TENM3: variants seen among roughly 807,000 people sequenced by gnomAD.
TENM3 encodes the protein teneurin transmembrane protein 3.
Under a neutral mutation model 255.1 loss-of-function variants are expected in TENM3, and 63 were observed. That is an observed-to-expected ratio of 0.25 (90% CI 0.20 to 0.30). TENM3 has a LOEUF of 0.30. Ranked by LOEUF, TENM3 falls within the 10% of genes least tolerant of loss-of-function variation. The pLI is 1.00. For missense variants in TENM3, 2,929 were observed against 3,461.1 expected (o/e 0.85, Z 3.86); for synonymous variants, 1,306 against 1,322.3 (o/e 0.99, Z 0.27).
chr4:181,839,376 TATATATATAC>T, the TENM3 span, among the ~76,000 whole-genome samples: 469 of 50,182 alleles, frequency 9.3e-3, 6 homozygotes, highest in African/African-American at 0.027. Context: ...TATATATATA[TATATATATAC>T]ACCTATATAC....
At chr4:182,069,689 AC>A in the TENM3 span, among the ~76,000 whole-genome samples, 1 of 10,130 alleles carries the variant, frequency 9.9e-5, no homozygotes, top group Non-Finnish European at 5.0e-4. Flanking sequence ...ATGCATAAAC[AC>A]ACACACACAC....
chr4:182,538,224 A>T (rs1740526433), intron 3 of TENM3, among the ~76,000 whole-genome samples: 1 of 152,216 alleles, frequency 6.6e-6, no homozygotes, highest in Admixed American at 6.5e-5. Flanking sequence ...ACAATTATTT[A>T]TGGAGTTCCC....
intron 24 of TENM3, 128 bp downstream of exon 24, chr4:182,775,281 G>A: frequency 1.2e-6 from 1 of 831,096 alleles, no homozygotes; most frequent in Non-Finnish European, 1.9e-6. Flanking sequence ...CGCTCAGTGT[G>A]GTTCCAATCC....
At chr4:182,619,665 C>T (rs973071784) in intron 4 of TENM3, among the ~76,000 whole-genome samples, 1 of 152,148 alleles carries the variant, frequency 6.6e-6, no homozygotes, top group African/African-American at 2.4e-5. Flanking sequence ...AAATAGAATC[C>T]CCCTCAAGAT....
intron 1 of TENM3, among the ~76,000 whole-genome samples, chr4:182,283,556 G>A (rs1049347815): frequency 2.6e-5 from 4 of 152,184 alleles, no homozygotes; most frequent in Non-Finnish European, 2.9e-5. Flanking sequence ...AATGTATCTG[G>A]TTGGCTCCCA....
chr4:182,648,999 G>A (rs1554007419), intron 5 of TENM3, among the ~76,000 whole-genome samples: 1 of 152,098 alleles, frequency 6.6e-6, no homozygotes, highest in Non-Finnish European at 1.5e-5. Context: ...GTTTGGGGTT[G>A]TTTCCAGTTT....
the TENM3 span, among the ~76,000 whole-genome samples, chr4:181,892,840 C>A: frequency 6.6e-6 from 1 of 152,112 alleles, no homozygotes; most frequent in Non-Finnish European, 1.5e-5. Context: ...TAGGTTGCTT[C>A]CAAATTGTTT....
At chr4:182,124,454 G>C in the TENM3 span, among the ~76,000 whole-genome samples, 13 of 152,288 alleles carry the variant, frequency 8.5e-5, no homozygotes, top group Admixed American at 2.0e-4. Context: ...GGAAATGTAA[G>C]TATAGGAGAT....
chr4:182,767,864 G>A (rs1763855573), intron 22 of TENM3, among the ~76,000 whole-genome samples: 1 of 152,172 alleles, frequency 6.6e-6, no homozygotes, highest in Admixed American at 6.5e-5. Flanking sequence ...GAGGCCTTCA[G>A]AATGAACCCA....
At chr4:182,362,157 G>GGGGGTCA (rs1170381526) in intron 3 of TENM3, among the ~76,000 whole-genome samples, 2 of 152,166 alleles carry the variant, frequency 1.3e-5, no homozygotes, top group Admixed American at 6.5e-5. Context: ...TAGGCTGCTC[G>GGGGGTCA]GGGGTCAGGG....
chr4:182,172,131 G>A (rs777906162), intron 1 of TENM3, among the ~76,000 whole-genome samples: 1 of 151,990 alleles, frequency 6.6e-6, no homozygotes, highest in African/African-American at 2.4e-5. Flanking sequence ...TGAAATGTCT[G>A]TCGTGTTGTA....
chr4:182,774,087 T>C (rs1201422169), intron 23 of TENM3, among the ~76,000 whole-genome samples: 3 of 152,232 alleles, frequency 2.0e-5, no homozygotes, highest in African/African-American at 7.2e-5. Context: ...ATTCATGTAA[T>C]GCCTGGAGTG....
At chr4:181,691,137 A>G in the TENM3 span, among the ~76,000 whole-genome samples, 4 of 152,202 alleles carry the variant, frequency 2.6e-5, no homozygotes, top group African/African-American at 9.6e-5. Context: ...GTTTAAATAT[A>G]CACTCAGAGA....
the TENM3 span, among the ~76,000 whole-genome samples, chr4:181,553,296 T>C: frequency 0.041 from 5,044 of 122,012 alleles, 223 homozygotes; most frequent in African/African-American, 0.11. Context: ...TGTGTGTGTG[T>C]GTAGTGTGTG....
chr4:182,489,821 C>T (rs1482725718), intron 3 of TENM3, among the ~76,000 whole-genome samples: 1 of 140,052 alleles, frequency 7.1e-6, no homozygotes, highest in Non-Finnish European at 1.5e-5. Context: ...TTCCTTCCCT[C>T]CCTCCCTTCC....
At chr4:182,603,137 T>C (rs577421202) in intron 4 of TENM3, among the ~76,000 whole-genome samples, 3 of 152,238 alleles carry the variant, frequency 2.0e-5, no homozygotes, top group Non-Finnish European at 4.4e-5. Flanking sequence ...AGAAAGAAAG[T>C]AGTTGGTTAG....
chr4:181,597,100 G>A, the TENM3 span, among the ~76,000 whole-genome samples: 86,394 of 152,032 alleles, frequency 0.57, 25,008 homozygotes, highest in Non-Finnish European at 0.63. Context: ...TTGTACAGTT[G>A]TATTCAACCA....
At chr4:182,485,049 A>G (rs1734568314) in intron 3 of TENM3, among the ~76,000 whole-genome samples, 1 of 152,134 alleles carries the variant, frequency 6.6e-6, no homozygotes, top group Non-Finnish European at 1.5e-5. Context: ...AACTTTCAAG[A>G]AGACATTTTA....
intron 1 of TENM3, among the ~76,000 whole-genome samples, chr4:182,249,012 A>C (rs1375185591): frequency 1.3e-5 from 2 of 152,222 alleles, no homozygotes; most frequent in South Asian, 4.1e-4. Flanking sequence ...TACAAACTTT[A>C]TATGTTTTAA....
Sources: allele counts gnomAD v4.1 joint callset (sites outside exome capture counted in the v4.1 genomes callset), GRCh38; gene constraint gnomAD v4.1.1; transcripts MANE v1.5; gene names NCBI Gene and HGNC (gene_info 2026-07-23, HGNC 2026-07-21).